The following ZBTB41 variants were observed in gnomAD, a reference collection of about 807,000 sequenced individuals.
ZBTB41 encodes the protein zinc finger and BTB domain-containing protein 41.
ZBTB41 carries 42 observed loss-of-function variants against 87.6 expected under a neutral mutation model. The observed-to-expected ratio is 0.48, with a 90% CI of 0.37 to 0.62. The LOEUF is 0.62. ZBTB41 is among the 20% of genes least tolerant of loss of function. ZBTB41 has a pLI of 0.00. For synonymous variants in ZBTB41, 364 were observed against 364.0 expected (o/e 1.00, Z 0.00); for missense variants, 799 against 1,078.9 (o/e 0.74, Z 3.63).
Position 197,159,148 on chromosome 1 carries a change from C to A in ZBTB41, c.*211G>T. ...AGCACTAAATAATCTTTAAAAATCACAAAAATGTGCACTTCAAATATTATG... is the reference window on the plus strand; with the variant it reads ...AGCACTAAATAATCTTTAAAAATCAAAAAAATGTGCACTTCAAATATTATG... On this transcript the variant is annotated 3_prime_UTR_variant, in exon 11 of 11. Transcript: ENST00000367405. The A allele has an allele frequency of 6.0e-6, 3 of 503,560 alleles. No homozygotes were observed. The highest frequency in any genetic ancestry group is 5.3e-4 in the Middle Eastern group (1 of 1,898). 31.2% of individuals were successfully genotyped at this position (503,560 alleles called of 1,614,324 possible). A position where few individuals can be genotyped will look rare whatever the true frequency, so the allele number is the denominator to read the frequency against.
chr1:197,188,552 AG>A, intron 4 of ZBTB41, 113 bp from the exon 5 acceptor site: 1 of 1,067,642 alleles, frequency 9.4e-7, no homozygotes, highest in East Asian at 2.7e-5. Context: ...TTCTCCCAAC[AG>A]AAAACTTACA....
intron 7 of ZBTB41, among the ~76,000 whole-genome samples, chr1:197,178,125 T>C (rs1659656644): frequency 6.6e-6 from 1 of 151,924 alleles, no homozygotes; most frequent in Admixed American, 6.6e-5. Flanking sequence ...ATACACTAAG[T>C]TTAACTGACT....
intron 10 of ZBTB41, among the ~76,000 whole-genome samples, chr1:197,169,297 T>C (rs1365003253): frequency 2.0e-5 from 3 of 152,002 alleles, no homozygotes; most frequent in Non-Finnish European, 4.4e-5. Flanking sequence ...AGCAGCTTTA[T>C]TCCTAAGAGA....
chr1:197,186,910 A>C (rs1158404023), intron 5 of ZBTB41, among the ~76,000 whole-genome samples: 1 of 152,022 alleles, frequency 6.6e-6, no homozygotes, highest in Non-Finnish European at 1.5e-5. Context: ...ATTGGGCCAA[A>C]GACTGAACAG....
chr1:197,193,198 T>C (rs1050486462), intron 2 of ZBTB41, among the ~76,000 whole-genome samples: 1 of 151,286 alleles, frequency 6.6e-6, no homozygotes, highest in African/African-American at 2.4e-5. Flanking sequence ...CTTCATGGGG[T>C]TGTGACAAGT....
chr1:197,199,574 A>C lies in ZBTB41; in HGVS notation c.900T>G (p.Ser300Arg), dbSNP rs753093370. The stretch of plus-strand genomic sequence containing the variant: ...GCTCATCTTCTTCAGCATTATATTC[A>C]CTTCCAGGGTCCTCAGAATCATTTC... ...SDRNDSEDPGSEYNAEEDELE... is the reference protein window; with the variant it reads ...SDRNDSEDPGREYNAEEDELE... The change falls in exon 2 of 11, where the codon AGT becomes AGG. Residue 300 changes from serine to arginine, a missense_variant. Physicochemically the swap from Ser to Arg is moderately radical, Grantham distance 110. Around this residue, in one of 5 missense-constraint regions of ZBTB41, gnomAD observed 294 missense variants for 340.1 expected, o/e 0.86. Coordinates refer to ENST00000367405, the MANE Select transcript of ZBTB41 (RefSeq NM_194314.3). The C allele has an allele frequency of 1.2e-6, 2 of 1,606,318 alleles. No homozygotes were observed. Among genetic ancestry groups the C allele is most frequent in the Non-Finnish European group, 1.7e-6 (2 of 1,177,846 alleles).
intron 2 of ZBTB41, among the ~76,000 whole-genome samples, chr1:197,194,983 CTTTGTT>C (rs1660128263): frequency 6.6e-6 from 1 of 152,014 alleles, no homozygotes; most frequent in African/African-American, 2.4e-5. Context: ...AGGGTTTTTT[CTTTGTT>C]TTTGTTTTGT....
intron 4 of ZBTB41, 55 bp from the exon 5 acceptor site, chr1:197,188,494 T>C (rs537098890): frequency 2.0e-6 from 3 of 1,467,870 alleles, no homozygotes; most frequent in African/African-American, 1.4e-5. Flanking sequence ...AATTGTAATA[T>C]TAAGCTTGTA....
rs1659015871 is a variant in ZBTB41, at chr1:197,154,394, T to C, written c.*4965A>G. On this transcript the variant is annotated 3_prime_UTR_variant, in exon 11 of 11. Transcript: ENST00000367405. ...CTGAATATAATCCTTAATTTCTCTT[T>C]ATGTAATTGGCTGCATAGGCTAAAT... 1 of 152,132 alleles carries C rather than the reference T, an allele frequency of 6.6e-6. No individual in the cohort carries two copies. The highest frequency in any genetic ancestry group is 2.1e-4 in the South Asian group (1 of 4,834). The allele number at this position is 152,132 out of a possible 1,614,324, so 9.4% of individuals were successfully genotyped here.
chr1:197,198,286 T>C (rs1660216801), intron 2 of ZBTB41, among the ~76,000 whole-genome samples: 1 of 150,218 alleles, frequency 6.7e-6, no homozygotes, highest in South Asian at 2.1e-4. Flanking sequence ...AGAAAATTAT[T>C]CCAAAAAACA....
intron 2 of ZBTB41, among the ~76,000 whole-genome samples, chr1:197,195,746 C>G (rs1200330716): frequency 6.6e-6 from 1 of 151,988 alleles, no homozygotes. Flanking sequence ...CCTATTTTTG[C>G]CTGTTTATCC....
At position 197,159,767 on chromosome 1, in the gene ZBTB41, G is replaced by T; in HGVS notation, c.2322C>A (p.Asp774Glu). Reference protein sequence around the residue: ...VSLPVEYSSDDKIFQTETKQY... With the variant: ...VSLPVEYSSDEKIFQTETKQY... Reference sequence around the variant, plus strand: ...GTTTTGTTTCTGTTTGAAAGATTTTGTCATCAGATGAGTACTCAACTGGCA... The same window carrying T: ...GTTTTGTTTCTGTTTGAAAGATTTTTTCATCAGATGAGTACTCAACTGGCA... Residue 774 changes from aspartate (D) to glutamate (E), a missense_variant, in exon 11 of 11, where the codon GAC becomes GAA. Transcript: ENST00000367405. 6.2e-7 allele frequency: 1 copy of T among 1,613,960 alleles called. No homozygotes were observed. The highest frequency in any genetic ancestry group is 8.5e-7 in the Non-Finnish European group (1 of 1,179,896).
chr1:197,156,022 T>C lies in ZBTB41; in HGVS notation c.*3337A>G, dbSNP rs1296443380. The C allele has an allele frequency of 6.6e-6, 1 of 152,262 alleles. No homozygotes were observed. Among genetic ancestry groups the C allele is most frequent in the African/African-American group, 2.4e-5 (1 of 41,402 alleles). 9.4% of individuals were successfully genotyped at this position (152,262 alleles called of 1,614,324 possible). A position where few individuals can be genotyped will look rare whatever the true frequency, so the allele number is the denominator to read the frequency against. On this transcript the variant is annotated 3_prime_UTR_variant, in exon 11 of 11. Transcript: ENST00000367405. Reference sequence around the variant, plus strand: ...TATTTTGATAGTGTAGTGTAAAAAATAGGCTTATTTAGCATTTAGTAGTGT... The same window carrying C: ...TATTTTGATAGTGTAGTGTAAAAAACAGGCTTATTTAGCATTTAGTAGTGT...
At chr1:197,167,454 C>G (rs1659376029) in intron 10 of ZBTB41, among the ~76,000 whole-genome samples, 1 of 152,086 alleles carries the variant, frequency 6.6e-6, no homozygotes, top group South Asian at 2.1e-4. Flanking sequence ...CTCGACTTCC[C>G]AAAGCGCTGG....
At chr1:197,187,932 C>T (rs150221593) in intron 5 of ZBTB41, among the ~76,000 whole-genome samples, 2 of 152,246 alleles carry the variant, frequency 1.3e-5, no homozygotes, top group African/African-American at 2.4e-5. Flanking sequence ...CTGTATGATA[C>T]TATAATGATA....
At position 197,195,518 on chromosome 1, in the gene ZBTB41, G is replaced by C. The variant is rs149301748; in HGVS notation, c.1121-3619C>G. ...AAAGAATATGTAATTAAAATACTTA[G>C]CCTTAGAGAGTTGTGCCATTGTTAT... On this transcript the variant is annotated intron_variant, in intron 2 of 10. Transcript: ENST00000367405. Among the ~76,000 whole-genome samples, 679 of 152,158 alleles carry C rather than the reference G, an allele frequency of 4.5e-3. 5 individuals are homozygous for C. Among genetic ancestry groups the C allele is most frequent in the African/African-American group, 0.016 (649 of 41,510 alleles).
intron 5 of ZBTB41, among the ~76,000 whole-genome samples, chr1:197,184,334 A>G (rs1021212081): frequency 1.1e-4 from 16 of 152,202 alleles, no homozygotes; most frequent in African/African-American, 3.6e-4. Flanking sequence ...TACTAGTCTT[A>G]TATACTAGAC....
chr1:197,154,193 G>A lies in ZBTB41; in HGVS notation c.*5166C>T, dbSNP rs1174575833. 4 of 152,402 alleles carry A rather than the reference G, an allele frequency of 2.6e-5. No individual in the cohort carries two copies. Among genetic ancestry groups the A allele is most frequent in the African/African-American group, 7.2e-5 (3 of 41,416 alleles). 9.4% of individuals were successfully genotyped at this position (152,402 alleles called of 1,614,324 possible). A position where few individuals can be genotyped will look rare whatever the true frequency, so the allele number is the denominator to read the frequency against. On this transcript the variant is annotated 3_prime_UTR_variant, in exon 11 of 11. Transcript: ENST00000367405. ...GCTTTAATGCAAGCAGGAATACCAA[G>A]CAAAAAAATACGCAGTAACAATGAG... is the stretch of plus-strand genomic sequence containing the variant.
chr1:197,184,942 G>A (rs1026876956), intron 5 of ZBTB41, among the ~76,000 whole-genome samples: 3 of 152,082 alleles, frequency 2.0e-5, no homozygotes, highest in African/African-American at 7.2e-5. Context: ...AGCCTCCTGA[G>A]TAGCTGGGAT....
Sources: allele counts gnomAD v4.1 joint callset (sites outside exome capture counted in the v4.1 genomes callset), GRCh38; gene constraint gnomAD v4.1.1; regional missense constraint gnomAD v4.1.1; transcripts MANE v1.5; gene names NCBI Gene and HGNC (gene_info 2026-07-23, HGNC 2026-07-21).